PTPRB: variants seen among roughly 807,000 people sequenced by gnomAD.
PTPRB encodes receptor-type tyrosine-protein phosphatase beta.
A neutral mutation model predicts 238.1 loss-of-function variants in PTPRB; 97 were observed. The observed-to-expected ratio is 0.41, with a 90% CI of 0.35 to 0.48. The LOEUF (loss-of-function observed/expected upper bound fraction) is 0.48. PTPRB is among the 20% of genes least tolerant of loss of function. PTPRB has a pLI of 0.30. For missense variants in PTPRB, 2,292 were observed against 2,681.9 expected (o/e 0.85, Z 3.21); for synonymous variants, 970 against 995.4 (o/e 0.97, Z 0.48).
chr12:70,585,506 A>G (rs1881812499), intron 9 of PTPRB, among the ~76,000 whole-genome samples: 1 of 151,994 alleles, frequency 6.6e-6, no homozygotes, highest in Non-Finnish European at 1.5e-5. Flanking sequence ...TTCTTGTGTT[A>G]GTGAGTGATT....
chr12:70,565,875 C>T (rs1052929909), intron 15 of PTPRB, among the ~76,000 whole-genome samples: 9 of 152,024 alleles, frequency 5.9e-5, no homozygotes, highest in African/African-American at 1.9e-4. Context: ...CTGGATTGTC[C>T]GGTTGGTGAC....
Position 70,521,507 on chromosome 12 carries a change from T to C in PTPRB, c.6630A>G (p.Pro2210=). 1 of 1,546,732 alleles carries C rather than the reference T, an allele frequency of 6.5e-7. No homozygotes were observed. The highest frequency in any genetic ancestry group is 8.7e-7 in the Non-Finnish European group (1 of 1,145,998). The change falls in exon 34 of 34, where the codon CCA becomes CCG. Residue 2210 remains proline (P), a synonymous_variant. Coordinates refer to ENST00000334414, the MANE Select transcript of PTPRB (RefSeq NM_001109754.4). ...TACATTCTCAATGCCTTGAATAGAC[T>C]GGATCTGAAAGGAAGAACACTGTAA... is the stretch of plus-strand genomic sequence containing the variant. ...ENVNPEYHRD[P]VYSRH
At chr12:70,589,791 T>G (rs952170031) in intron 8 of PTPRB, among the ~76,000 whole-genome samples, 173 bp downstream of exon 8, 26 of 148,566 alleles carry the variant, frequency 1.8e-4, no homozygotes, top group African/African-American at 6.3e-4. Context: ...TTTTAAATGT[T>G]CTAATTTGAC....
At chr12:70,521,578 G>A in intron 33 of PTPRB, 67 bp from the exon 34 acceptor site, 5 of 1,358,644 alleles carry the variant, frequency 3.7e-6, no homozygotes, top group Non-Finnish European at 4.9e-6. Context: ...CGCTGTTTAT[G>A]AAAATTACCA....
chr12:70,554,044 T>A (rs530505198), intron 20 of PTPRB, among the ~76,000 whole-genome samples: 1 of 152,190 alleles, frequency 6.6e-6, no homozygotes, highest in African/African-American at 2.4e-5. Context: ...TCTAATTAAG[T>A]CTAAAGTCTT....
rs1175997340 is a variant in PTPRB, at chr12:70,521,503, A to AGAC, written c.6631_6633dup (p.Val2211dup). The AGAC allele has an allele frequency of 6.5e-7, 1 of 1,546,970 alleles. No homozygotes were observed. The highest frequency in any genetic ancestry group is 1.4e-5 in the African/African-American group (1 of 72,860). ...CAGGTACATTCTCAATGCCTTGAAT[A>AGAC]GACTGGATCTGAAAGGAAGAACACT... On this transcript the variant is annotated inframe_insertion, in exon 34 of 34. Coordinates refer to ENST00000334414, the MANE Select transcript of PTPRB (RefSeq NM_001109754.4).
At chr12:70,565,767 T>C (rs1879209900) in intron 15 of PTPRB, among the ~76,000 whole-genome samples, 1 of 152,212 alleles carries the variant, frequency 6.6e-6, no homozygotes, top group Admixed American at 6.5e-5. Flanking sequence ...AAGATGTCCA[T>C]GTCCTAACCC....
intron 6 of PTPRB, among the ~76,000 whole-genome samples, chr12:70,593,511 C>T (rs11178314): frequency 0.015 from 1,295 of 84,770 alleles, 10 homozygotes; most frequent in Admixed American, 0.026. Context: ...AAAACTCTGT[C>T]TCAAAAAAAA....
Position 70,536,298 on chromosome 12 carries a change from A to G in PTPRB, c.5947-139T>C, listed in dbSNP as rs570710312. ...GAAAAAGATACTAACACAAGTGTCA[A>G]TGCTTGGGAGCAGGAAGGACAAAGG... On this transcript the variant is annotated intron_variant, in intron 28 of 33. Transcript: ENST00000334414. The G allele has an allele frequency of 2.1e-5, 21 of 998,444 alleles. No homozygotes were observed. The East Asian group carries it at 2.4e-4, about 11-fold the overall frequency. The allele number at this position is 998,444 out of a possible 1,614,324, so 61.8% of individuals were successfully genotyped here.
At chr12:70,538,648 CCCCAT>C in intron 27 of PTPRB, 1 of 508,696 alleles carries the variant, frequency 2.0e-6, no homozygotes, top group Admixed American at 3.3e-5. Context: ...TTGCTGTTAA[CCCCAT>C]TTACTGCTTA....
At position 70,540,940 on chromosome 12, in the gene PTPRB, T is replaced by C; in HGVS notation, c.5512A>G (p.Ile1838Val). ...TTESEPLFGA[I>V]EGVSAGLFLI... Reference sequence around the variant, plus strand: ...AACAGACCAGCACTCACACCTTCAATAGCTCCAAACAAGGGCTCTACAATA... The same window carrying C: ...AACAGACCAGCACTCACACCTTCAACAGCTCCAAACAAGGGCTCTACAATA... Residue 1838 changes from isoleucine to valine, a missense_variant, in exon 23 of 34, where the codon ATT becomes GTT. This residue lies in a region of PTPRB where 397 missense variants were observed against 502.0 expected (regional missense o/e 0.79). Transcript: ENST00000334414. 6.2e-7 allele frequency: 1 copy of C among 1,604,520 alleles called. No individual in the cohort carries two copies. Among genetic ancestry groups the C allele is most frequent in the Non-Finnish European group, 8.5e-7 (1 of 1,175,420 alleles).
rs750049169 is a variant in PTPRB at position 70,559,606 on chromosome 12, A to C, written c.4451T>G (p.Leu1484Arg). 2 of 1,611,100 alleles carry C rather than the reference A, an allele frequency of 1.2e-6. No homozygotes were observed. Among genetic ancestry groups the C allele is most frequent in the South Asian group, 2.2e-5 (2 of 91,000 alleles). The change falls in exon 18 of 34, where the codon CTT becomes CGT. Residue 1484 changes from leucine to arginine, a missense_variant. By Grantham distance (102) the Leu-to-Arg change is moderately radical. Around this residue, in one of 4 missense-constraint regions of PTPRB, gnomAD observed 683 missense variants for 862.0 expected, o/e 0.79. Transcript: ENST00000334414. ...GTTTGCAATGTCAGCAAATGACATAAGACTGGGAGGACTTGGAGCTGAATG... is the reference window on the plus strand; with the variant it reads ...GTTTGCAATGTCAGCAAATGACATACGACTGGGAGGACTTGGAGCTGAATG... ...ESRTAPSPPS[L>R]MSFADIANTS...
intron 15 of PTPRB, among the ~76,000 whole-genome samples, chr12:70,564,329 T>A (rs1336698630): frequency 2.0e-5 from 3 of 151,530 alleles, no homozygotes; most frequent in African/African-American, 7.3e-5. Context: ...CTGGCCAACA[T>A]GGTGAAACCC....
intron 9 of PTPRB, among the ~76,000 whole-genome samples, chr12:70,581,631 A>C (rs1431933554): frequency 1.3e-5 from 2 of 152,110 alleles, no homozygotes; most frequent in African/African-American, 4.8e-5. Flanking sequence ...ATGTGATTTT[A>C]TCTGTCCTTA....
intron 32 of PTPRB, among the ~76,000 whole-genome samples, chr12:70,526,257 C>T (rs549426944): frequency 2.0e-5 from 3 of 152,262 alleles, no homozygotes; most frequent in East Asian, 1.9e-4. Context: ...AGCTGGAGTA[C>T]AGTGACACAA....
chr12:70,531,678 G>T (rs1873266826), intron 32 of PTPRB, among the ~76,000 whole-genome samples: 1 of 152,150 alleles, frequency 6.6e-6, no homozygotes, highest in African/African-American at 2.4e-5. Flanking sequence ...TGCACAAATG[G>T]AAGCACGTGG....
intron 28 of PTPRB, among the ~76,000 whole-genome samples, chr12:70,537,433 C>T (rs1874340151): frequency 1.3e-5 from 2 of 152,166 alleles, no homozygotes; most frequent in Non-Finnish European, 2.9e-5. Context: ...GCAGGTTTCC[C>T]ATGCCATTGC....
At chr12:70,538,103 A>G in intron 28 of PTPRB, 52 bp downstream of exon 28, 3 of 1,444,870 alleles carry the variant, frequency 2.1e-6, no homozygotes, top group East Asian at 2.3e-5. Flanking sequence ...TCTCCAGTGT[A>G]GCCACCCACC....
chr12:70,587,317 A>G (rs750814388), intron 8 of PTPRB, 50 bp from the exon 9 acceptor site: 2 of 1,584,708 alleles, frequency 1.3e-6, no homozygotes, highest in South Asian at 2.3e-5. Context: ...AGGCATATTC[A>G]TAGGGTATAC....
Sources: gnomAD v4.1 joint callset for allele counts (sites outside exome capture counted in the v4.1 genomes callset) on GRCh38, gnomAD v4.1.1 for gene constraint, gnomAD v4.1.1 regional missense constraint, MANE v1.5 for transcripts, NCBI Gene and HGNC (gene_info 2026-07-23, HGNC 2026-07-21) for gene names.